Variants in TUFT1 observed in about 807,000 individuals in gnomAD.
TUFT1 encodes the protein tuftelin.
Under a neutral mutation model 57.8 loss-of-function variants are expected in TUFT1, and 43 were observed. The ratio of observed to expected loss-of-function variants is 0.74; its 90% CI spans 0.58 to 0.96. The LOEUF is 0.96. TUFT1 is among the 40% of genes least tolerant of loss of function. The probability of loss-of-function intolerance (pLI) is 0.00; values close to 1 mark genes in which losing one functional copy is unlikely to be tolerated. For missense variants in TUFT1, 459 were observed against 489.0 expected, an observed-to-expected ratio of 0.94 and a Z score of 0.58; for synonymous variants, 166 against 176.7, an observed-to-expected ratio of 0.94 and a Z score of 0.48.
chr1:151,582,446 C>G lies in TUFT1; in HGVS notation c.*739C>G, dbSNP rs1666672018. 3.2e-6 allele frequency: 1 copy of G among 316,128 alleles called. No individual in the cohort carries two copies. Among genetic ancestry groups the G allele is most frequent in the Non-Finnish European group, 6.2e-6 (1 of 160,386 alleles). The allele number at this position is 316,128 out of a possible 1,614,324, so 19.6% of individuals were successfully genotyped here. The stretch of plus-strand genomic sequence containing the variant: ...AGGGATTTTCCCTAAGGTGTACCAC[C>G]AGGCACACCTCAGTCTTCTTGACCC... On this transcript the variant is annotated 3_prime_UTR_variant, in exon 13 of 13. Coordinates refer to ENST00000368849, the MANE Select transcript of TUFT1 (RefSeq NM_020127.3).
At chr1:151,554,003 G>A (rs1665592490) in intron 1 of TUFT1, among the ~76,000 whole-genome samples, 1 of 148,700 alleles carries the variant, frequency 6.7e-6, no homozygotes, top group Admixed American at 7.0e-5. Context: ...TTTTCTATTG[G>A]GCTGCATGTC....
intron 9 of TUFT1, 26 bp downstream of exon 9, chr1:151,575,031 T>C (rs760580271): frequency 1.3e-6 from 2 of 1,548,304 alleles, no homozygotes; most frequent in African/African-American, 2.7e-5. Context: ...TTGTTCACGG[T>C]GAAGTTGGGT....
Position 151,581,060 on chromosome 1 carries a change from G to T in TUFT1, c.1109+18G>T. 1 of 1,609,812 alleles carries T rather than the reference G, an allele frequency of 6.2e-7. No homozygotes were observed. The highest frequency in any genetic ancestry group is 8.5e-7 in the Non-Finnish European group (1 of 1,176,298). On this transcript the variant is annotated intron_variant, in intron 12 of 12. Transcript: ENST00000368849. ...CCGGGCAGGTGAGTGAGCGTGTGTA[G>T]ATAGAATGGGGCCAGGGAGGAGGGG...
intron 1 of TUFT1, among the ~76,000 whole-genome samples, chr1:151,544,657 C>T (rs1036319361): frequency 2.6e-5 from 4 of 152,180 alleles, no homozygotes; most frequent in African/African-American, 7.2e-5. Flanking sequence ...AGTGCAACGA[C>T]GTGATCTCGG....
intron 9 of TUFT1, 30 bp from the exon 10 acceptor site, chr1:151,578,690 AT>A (rs1666555878): frequency 6.5e-7 from 1 of 1,527,736 alleles, no homozygotes. Context: ...ATCTTGTTCC[AT>A]TGCCTCAGCC....
chr1:151,541,320 C>T (rs1274331727), intron 1 of TUFT1, among the ~76,000 whole-genome samples: 1 of 152,174 alleles, frequency 6.6e-6, no homozygotes, highest in East Asian at 1.9e-4. Context: ...GCTCCCAGTC[C>T]CAGTTCTCCC....
chr1:151,548,669 G>A (rs1195081290), intron 1 of TUFT1, among the ~76,000 whole-genome samples: 2 of 152,194 alleles, frequency 1.3e-5, no homozygotes, highest in Non-Finnish European at 2.9e-5. Context: ...ATGTACACTT[G>A]GGGTGGGAAA....
intron 1 of TUFT1, among the ~76,000 whole-genome samples, chr1:151,547,090 T>A (rs1362820129): frequency 2.6e-5 from 4 of 152,222 alleles, no homozygotes; most frequent in African/African-American, 9.6e-5. Context: ...CTCATGAAAC[T>A]TGTCCTAAAC....
chr1:151,542,876 T>C (rs1463870556), intron 1 of TUFT1, among the ~76,000 whole-genome samples: 1 of 152,194 alleles, frequency 6.6e-6, no homozygotes, highest in Non-Finnish European at 1.5e-5. Flanking sequence ...AGACAGAATT[T>C]ATGGCTCTGG....
Position 151,574,332 on chromosome 1 carries a change from G to A in TUFT1, c.657G>A (p.Glu219=). 1 of 1,614,220 alleles carries A rather than the reference G, an allele frequency of 6.2e-7. No individual in the cohort carries two copies. Among genetic ancestry groups the A allele is most frequent in the African/African-American group, 1.3e-5 (1 of 75,044 alleles). Residue 219 remains glutamate, a synonymous_variant, in exon 8 of 13, where the codon GAG becomes GAA. Coordinates refer to ENST00000368849, the MANE Select transcript of TUFT1 (RefSeq NM_020127.3). ...GTAATGTGGCCCTTCAGAGAGAGGAGGACAGAGTGGAGCAGAAAGAGGCAG... is the reference window on the plus strand; with the variant it reads ...GTAATGTGGCCCTTCAGAGAGAGGAAGACAGAGTGGAGCAGAAAGAGGCAG... ...EQSNVALQRE[E]DRVEQKEAEV...
rs534589024 is a variant in TUFT1, at chr1:151,582,348, C to T, written c.*641C>T. ...TGTACATTCAGGGAGTAGCCTTTTG[C>T]GGAAAAATTCTCTAGGGCTACAGAC... On this transcript the variant is annotated 3_prime_UTR_variant, in exon 13 of 13. Coordinates refer to ENST00000368849, the MANE Select transcript of TUFT1 (RefSeq NM_020127.3). 109 of 381,546 alleles carry T rather than the reference C, an allele frequency of 2.9e-4. No individual in the cohort carries two copies. Among genetic ancestry groups the T allele is most frequent in the Non-Finnish European group, 3.6e-4 (70 of 192,662 alleles). The allele number at this position is 381,546 out of a possible 1,614,324, so 23.6% of individuals were successfully genotyped here. A position where few individuals can be genotyped will look rare whatever the true frequency, so the allele number is the denominator to read the frequency against.
rs1665116960 is a variant in TUFT1 at position 151,540,348 on chromosome 1, G to C, written c.-19G>C. ...AGCGGGGTGGACAAGTGGCGTGTGT[G>C]CTGCGACCCCGAGGGAAGATGAACG... On this transcript the variant is annotated 5_prime_UTR_variant, in exon 1 of 13. Coordinates refer to ENST00000368849, the MANE Select transcript of TUFT1 (RefSeq NM_020127.3). 3 of 1,614,096 alleles carry C rather than the reference G, an allele frequency of 1.9e-6. No individual in the cohort carries two copies. The highest frequency in any genetic ancestry group is 2.5e-6 in the Non-Finnish European group (3 of 1,179,972).
chr1:151,549,031 G>T (rs6669998), intron 1 of TUFT1, among the ~76,000 whole-genome samples: 1 of 152,004 alleles, frequency 6.6e-6, no homozygotes, highest in Middle Eastern at 3.4e-3. Context: ...GAGTGAGTCA[G>T]GGTTGGAGAT....
In TUFT1 at chr1:151,583,225, C is replaced by T. The variant is rs6587605; in HGVS notation, c.*1518C>T. 85,071 of 152,120 alleles carry T rather than the reference C, an allele frequency of 0.56. 25,730 individuals are homozygous for T. The highest frequency in any genetic ancestry group is 0.72 in the Middle Eastern group (211 of 294). 9.4% of individuals were successfully genotyped at this position (152,120 alleles called of 1,614,324 possible). ...CTAGGATTATAGGCTTGAGCTACTG[C>T]GCCCGGCCCATGGTGTTTTTCTTTA... On this transcript the variant is annotated 3_prime_UTR_variant, in exon 13 of 13. Transcript: ENST00000368849.
rs1257736358 is a variant in TUFT1, at chr1:151,583,073, C to CT, written c.*1367dup. Reference sequence around the variant, plus strand: ...GCCTCAGCCTCCCGAGTAGCTGGGACTACAGGTGTGCCACCACGCCTGGCT... The same window carrying CT: ...GCCTCAGCCTCCCGAGTAGCTGGGACTTACAGGTGTGCCACCACGCCTGGCT... On this transcript the variant is annotated 3_prime_UTR_variant, in exon 13 of 13. Transcript: ENST00000368849. 1 of 152,028 alleles carries CT rather than the reference C, an allele frequency of 6.6e-6. No individual in the cohort carries two copies. Among genetic ancestry groups the CT allele is most frequent in the Admixed American group, 6.6e-5 (1 of 15,244 alleles). 9.4% of individuals were successfully genotyped at this position (152,028 alleles called of 1,614,324 possible).
intron 1 of TUFT1, chr1:151,557,989 TAA>T (rs961018076): frequency 6.1e-4 from 226 of 372,782 alleles, no homozygotes; most frequent in South Asian, 7.5e-4. Flanking sequence ...CAAAAAAACT[TAA>T]AAAAAAAAAA....
At chr1:151,563,402 G>T (rs1353649468) in intron 3 of TUFT1, among the ~76,000 whole-genome samples, 1 of 152,066 alleles carries the variant, frequency 6.6e-6, no homozygotes, top group Non-Finnish European at 1.5e-5. Context: ...CATTTTTACT[G>T]TATTTTTTCT....
chr1:151,575,339 T>C lies in TUFT1; in HGVS notation c.818+334T>C, dbSNP rs7521104. Among the ~76,000 whole-genome samples the C allele has an allele frequency of 9.5e-3, 1,448 of 152,336 alleles. 28 individuals carry two copies. Among genetic ancestry groups the C allele is most frequent in the African/African-American group, 0.032 (1,351 of 41,574 alleles). On this transcript the variant is annotated intron_variant, in intron 9 of 12. Transcript: ENST00000368849. The stretch of plus-strand genomic sequence containing the variant: ...ACAGATTAGTGCAGTGGATATGTTA[T>C]GCCTTCGTTTCCTCCCCACCGAAAC...
intron 1 of TUFT1, chr1:151,561,814 A>C: frequency 7.0e-7 from 1 of 1,435,500 alleles, no homozygotes; most frequent in South Asian, 1.2e-5. Flanking sequence ...GTAGTCCAAG[A>C]ACCAGGGTAG....
Sources: gnomAD v4.1 joint callset for allele counts (sites outside exome capture counted in the v4.1 genomes callset) on GRCh38, gnomAD v4.1.1 for gene constraint, MANE v1.5 for transcripts, NCBI Gene and HGNC (gene_info 2026-07-23, HGNC 2026-07-21) for gene names.